The following ADAM23 variants were observed in gnomAD, a reference collection of about 807,000 sequenced individuals.
ADAM23 encodes the protein ADAM metallopeptidase domain 23.
Under a neutral mutation model 120.1 loss-of-function variants are expected in ADAM23, and 33 were observed. The observed-to-expected ratio is 0.27, with a 90% confidence interval of 0.21 to 0.37. ADAM23 has a LOEUF of 0.37. ADAM23 is among the 10% of genes least tolerant of loss of function. The pLI is 1.00. For missense variants in ADAM23, 862 were observed against 1,058.2 expected (o/e 0.81, Z 2.57); for synonymous variants, 367 against 375.2 (o/e 0.98, Z 0.25).
At chr2:206,593,111 A>G (rs1698456417) in intron 22 of ADAM23, among the ~76,000 whole-genome samples, 1 of 152,188 alleles carries the variant, frequency 6.6e-6, no homozygotes, top group Non-Finnish European at 1.5e-5. Flanking sequence ...AATTTAAGCT[A>G]TAGTTTATGA....
intron 3 of ADAM23, among the ~76,000 whole-genome samples, chr2:206,493,720 T>G (rs1696179677): frequency 6.6e-6 from 1 of 152,240 alleles, no homozygotes; most frequent in Non-Finnish European, 1.5e-5. Context: ...TTTCACGTCC[T>G]TTAATATAAT....
intron 15 of ADAM23, among the ~76,000 whole-genome samples, chr2:206,567,762 T>A (rs1697918236): frequency 6.6e-6 from 1 of 152,318 alleles, no homozygotes; most frequent in East Asian, 1.9e-4. Context: ...GCTATAAAGA[T>A]ACTACCTCAG....
In ADAM23 at chr2:206,543,265, A is replaced by G. The variant is rs1697330124; in HGVS notation, c.669A>G (p.Glu223=). 1.8e-5 allele frequency: 29 copies of G among 1,613,998 alleles called. No individual in the cohort carries two copies. Among genetic ancestry groups the G allele is most frequent in the Non-Finnish European group, 2.3e-5 (27 of 1,179,936 alleles). ...TCTTTTGTGCTAGTGGCATGTTTGA[A>G]GATGATACCTTCGTGTATATGATAG... ...STCNGLHGMF[E]DDTFVYMIEP... Residue 223 remains glutamate (E), a synonymous_variant, in exon 6 of 26, where the codon GAA becomes GAG. Coordinates refer to ENST00000264377, the MANE Select transcript of ADAM23 (RefSeq NM_003812.4).
chr2:206,569,126 T>C (rs1230959525), intron 15 of ADAM23, among the ~76,000 whole-genome samples: 1 of 152,240 alleles, frequency 6.6e-6, no homozygotes, highest in Non-Finnish European at 1.5e-5. Flanking sequence ...TGTACATGGC[T>C]AATTTTACCC....
intron 15 of ADAM23, among the ~76,000 whole-genome samples, chr2:206,569,728 A>G (rs1697958630): frequency 6.6e-6 from 1 of 152,204 alleles, no homozygotes; most frequent in South Asian, 2.1e-4. Flanking sequence ...GATTTTGCTC[A>G]TAGGACTTTT....
At chr2:206,531,602 G>A (rs1574516784) in intron 4 of ADAM23, among the ~76,000 whole-genome samples, 1 of 152,142 alleles carries the variant, frequency 6.6e-6, no homozygotes, top group East Asian at 1.9e-4. Context: ...AGAGAGAGAT[G>A]ATTTGTATGT....
chr2:206,498,023 A>G (rs1471077847), intron 3 of ADAM23, among the ~76,000 whole-genome samples: 1 of 152,118 alleles, frequency 6.6e-6, no homozygotes. Flanking sequence ...ATGGAAGAAC[A>G]CTCCATGCTC....
intron 15 of ADAM23, among the ~76,000 whole-genome samples, chr2:206,568,240 A>G (rs1180944145): frequency 6.6e-6 from 1 of 152,090 alleles, no homozygotes; most frequent in Non-Finnish European, 1.5e-5. Context: ...TTTATAATGC[A>G]TTGTCTCTTT....
rs551835400 is a variant in ADAM23, at chr2:206,506,134, T to A, written c.510-24751T>A. ...ATTTATTTCCTGTTAAATTAACATA[T>A]GCCTCATAGAGGCTACCAGATTTCA... On this transcript the variant is annotated intron_variant, in intron 3 of 25. Transcript: ENST00000264377. Among the ~76,000 whole-genome samples, 7 of 152,354 alleles carry A rather than the reference T, an allele frequency of 4.6e-5. No individual in the cohort carries two copies. In the South Asian group the frequency reaches 1.4e-3, roughly 32 times the overall value.
chr2:206,570,811 G>T lies in ADAM23; in HGVS notation c.1566G>T (p.Val522=). 6.2e-7 allele frequency: 1 copy of T among 1,613,010 alleles called. No homozygotes were observed. Among genetic ancestry groups the T allele is most frequent in the South Asian group, 1.1e-5 (1 of 91,028 alleles). Residue 522 remains valine (V), a splice_region_variant and synonymous_variant, in exon 16 of 26, where the codon GTG becomes GTT. Coordinates refer to ENST00000264377, the MANE Select transcript of ADAM23 (RefSeq NM_003812.4). ...AGGAGTGTGATTGTGGTTTTCATGT[G>T]GTAGGTATAAGAAACCTTCTATACT... ...AGEECDCGFH[V]ECYGLCCKKC...
At position 206,559,814 on chromosome 2, in the gene ADAM23, G is replaced by A. The variant is rs566057905; in HGVS notation, c.1006-141G>A. The A allele has an allele frequency of 9.8e-4, 664 of 677,004 alleles. 2 individuals carry two copies. Among genetic ancestry groups the A allele is most frequent in the South Asian group, 1.6e-3 (55 of 34,174 alleles). The allele number at this position is 677,004 out of a possible 1,614,324, so 41.9% of individuals were successfully genotyped here. On this transcript the variant is annotated intron_variant, in intron 10 of 25. Coordinates refer to ENST00000264377, the MANE Select transcript of ADAM23 (RefSeq NM_003812.4). ...TGCTCTTGGAAAAAAGAAAGGAAAA[G>A]AAGATTCTCTATAATGGGCTAATTA...
intron 10 of ADAM23, among the ~76,000 whole-genome samples, chr2:206,558,908 A>G (rs1258104044): frequency 6.6e-6 from 1 of 151,028 alleles, no homozygotes; most frequent in Non-Finnish European, 1.5e-5. Context: ...GTGTTCAAAG[A>G]TCATCCATTG....
intron 13 of ADAM23, 126 bp from the exon 14 acceptor site, chr2:206,564,893 TC>T (rs1191894088): frequency 1.0e-6 from 1 of 976,232 alleles, no homozygotes; most frequent in Non-Finnish European, 1.6e-6. Flanking sequence ...GACTTCACAT[TC>T]CGTGTCTATT....
intron 25 of ADAM23, among the ~76,000 whole-genome samples, chr2:206,611,779 AG>A (rs1698832272): frequency 6.6e-6 from 1 of 152,234 alleles, no homozygotes; most frequent in Non-Finnish European, 1.5e-5. Context: ...AAAATGGAAA[AG>A]CCTTTATCAC....
rs1329398339 is a variant in ADAM23, at chr2:206,443,952, C to A, written c.86C>A (p.Pro29His). 7.8e-7 allele frequency: 1 copy of A among 1,274,478 alleles called. No individual in the cohort carries two copies. Among genetic ancestry groups the A allele is most frequent in the Admixed American group, 3.9e-5 (1 of 25,614 alleles). The allele number at this position is 1,274,478 out of a possible 1,614,324, so 78.9% of individuals were successfully genotyped here. A position where few individuals can be genotyped will look rare whatever the true frequency, so the allele number is the denominator to read the frequency against. Residue 29 changes from proline to histidine, a missense_variant, in exon 1 of 26, where the codon CCC becomes CAC. Physicochemically the swap from Pro to His is moderately conservative, Grantham distance 77. This residue lies in a region of ADAM23 where 225 missense variants were observed against 204.0 expected (regional missense o/e 1.10). Transcript: ENST00000264377. ...AGASCGPQRG[P>H]AGSVPASAPA... ...GCTTCCTGCGGCCCCCAACGCGGCC[C>A]CGCCGGCTCGGTGCCTGCCAGCGCC...
At chr2:206,589,643 T>A in intron 21 of ADAM23, 129 bp downstream of exon 21, 1 of 629,726 alleles carries the variant, frequency 1.6e-6, no homozygotes, top group Non-Finnish European at 2.6e-6. Flanking sequence ...TTAAAGTATT[T>A]ATTTTTAATA....
chr2:206,443,959 C>T lies in ADAM23; in HGVS notation c.93C>T (p.Gly31=). 7.7e-7 allele frequency: 1 copy of T among 1,296,416 alleles called. No homozygotes were observed. The highest frequency in any genetic ancestry group is 2.5e-5 in the South Asian group (1 of 40,712). 80.3% of individuals were successfully genotyped at this position (1,296,416 alleles called of 1,614,324 possible). Residue 31 remains glycine, a synonymous_variant, in exon 1 of 26, where the codon GGC becomes GGT. Transcript: ENST00000264377. ...ASCGPQRGPA[G]SVPASAPART... is the part of the protein sequence containing the mutation. ...GCGGCCCCCAACGCGGCCCCGCCGGCTCGGTGCCTGCCAGCGCCCCGGCCC... is the reference window on the plus strand; with the variant it reads ...GCGGCCCCCAACGCGGCCCCGCCGGTTCGGTGCCTGCCAGCGCCCCGGCCC...
intron 18 of ADAM23, among the ~76,000 whole-genome samples, chr2:206,579,045 A>G (rs1698173257): frequency 6.6e-6 from 1 of 151,932 alleles, no homozygotes; most frequent in Non-Finnish European, 1.5e-5. Flanking sequence ...TCTTCTTTTG[A>G]GAATTGTCTA....
intron 20 of ADAM23, 43 bp from the exon 21 acceptor site, chr2:206,589,366 A>T (rs377051167): frequency 3.9e-6 from 6 of 1,557,080 alleles, no homozygotes; most frequent in Non-Finnish European, 5.3e-6. Flanking sequence ...TGGATAACAA[A>T]GAAAATGAAA....
Sources: allele counts gnomAD v4.1 joint callset (sites outside exome capture counted in the v4.1 genomes callset), GRCh38; gene constraint gnomAD v4.1.1; regional missense constraint gnomAD v4.1.1; transcripts MANE v1.5; gene names NCBI Gene and HGNC (gene_info 2026-07-23, HGNC 2026-07-21).